Variants in NFKBIB observed in about 807,000 individuals in gnomAD.
NFKBIB encodes the protein NF-kappa-B inhibitor beta.
Under a neutral mutation model 32.1 loss-of-function variants are expected in NFKBIB, and 16 were observed. The observed-to-expected ratio is 0.50, with a 90% CI of 0.34 to 0.76. NFKBIB has a LOEUF of 0.76. Among genes scored for constraint, NFKBIB ranks in the 30% least tolerant of loss-of-function variants. NFKBIB has a pLI of 0.01. For synonymous variants in NFKBIB, 222 were observed against 219.5 expected (o/e 1.01, Z -0.10); for missense variants, 437 against 514.9 (o/e 0.85, Z 1.46).
Position 38,899,977 on chromosome 19 carries a change from G to C in NFKBIB, c.-56G>C, listed in dbSNP as rs754707835. 1.5e-5 allele frequency: 21 copies of C among 1,432,542 alleles called. No homozygotes were observed. Among genetic ancestry groups the C allele is most frequent in the Non-Finnish European group, 1.6e-5 (18 of 1,094,492 alleles). The allele number at this position is 1,432,542 out of a possible 1,614,324, so 88.7% of individuals were successfully genotyped here. On this transcript the variant is annotated 5_prime_UTR_variant, in exon 1 of 6. Transcript: ENST00000313582. ...GCAGGGCGGAAGCTCCAGAACTCCC[G>C]GCAAAGCCCAGCTACAGGCGGGCGA...
At chr19:38,908,268 C>T (rs1213545093) in intron 5 of NFKBIB, 32 of 991,596 alleles carry the variant, frequency 3.2e-5, no homozygotes, top group African/African-American at 2.3e-4. Flanking sequence ...TGGCCAGGTG[C>T]GGTGGCTCAC....
intron 5 of NFKBIB, chr19:38,908,298 T>G (rs776087738): frequency 1.0e-6 from 1 of 985,454 alleles, no homozygotes; most frequent in African/African-American, 1.7e-5. Context: ...CCCAGCACTT[T>G]GGGAGGCCGA....
chr19:38,906,812 G>T (rs1275900301), intron 3 of NFKBIB, among the ~76,000 whole-genome samples: 3 of 152,060 alleles, frequency 2.0e-5, no homozygotes, highest in African/African-American at 7.2e-5. Flanking sequence ...ATGTTGCCCA[G>T]GCAGCTTCTT....
chr19:38,907,693 G>C (rs780891154), intron 5 of NFKBIB, 34 bp downstream of exon 5: 12 of 1,565,818 alleles, frequency 7.7e-6, no homozygotes, highest in African/African-American at 1.4e-5. Context: ...CAGCCCAGCT[G>C]GGGGGTCAGG....
chr19:38,899,999 G>C lies in NFKBIB; in HGVS notation c.-34G>C, dbSNP rs778695272. 1.2e-5 allele frequency: 17 copies of C among 1,443,110 alleles called. No individual in the cohort carries two copies. The highest frequency in any genetic ancestry group is 1.0e-4 in the South Asian group (7 of 69,110). 89.4% of individuals were successfully genotyped at this position (1,443,110 alleles called of 1,614,324 possible). On this transcript the variant is annotated 5_prime_UTR_variant, in exon 1 of 6. Coordinates refer to ENST00000313582, the MANE Select transcript of NFKBIB (RefSeq NM_002503.5). ...CCCGGCAAAGCCCAGCTACAGGCGG[G>C]CGACTGCGGGGGGCCCCTGAGGCGG...
At position 38,900,014 on chromosome 19, in the gene NFKBIB, C is replaced by G; in HGVS notation, c.-19C>G. On this transcript the variant is annotated 5_prime_UTR_variant, in exon 1 of 6. Transcript: ENST00000313582. ...CTACAGGCGGGCGACTGCGGGGGGC[C>G]CCTGAGGCGGCGGGGGCCATGGCTG... 6.9e-7 allele frequency: 1 copy of G among 1,453,080 alleles called. No individual in the cohort carries two copies. The highest frequency in any genetic ancestry group is 1.8e-4 in the Middle Eastern group (1 of 5,468). 90.0% of individuals were successfully genotyped at this position (1,453,080 alleles called of 1,614,324 possible). A position where few individuals can be genotyped will look rare whatever the true frequency, so the allele number is the denominator to read the frequency against.
At chr19:38,899,838 G>A, upstream of NFKBIB, 5 of 708,776 alleles carry the variant, frequency 7.1e-6, no homozygotes, top group South Asian at 5.5e-5. Flanking sequence ...AACGGCTAGA[G>A]AGTTGTAGTC....
At chr19:38,908,401 T>G (rs1309610471) in intron 5 of NFKBIB, 2 of 759,898 alleles carry the variant, frequency 2.6e-6, no homozygotes, top group African/African-American at 3.7e-5. Context: ...TAGCTGGGCG[T>G]GGTGGCGCAT....
chr19:38,904,873 C>G, intron 1 of NFKBIB, 142 bp from the exon 2 acceptor site: 1 of 723,526 alleles, frequency 1.4e-6, no homozygotes, highest in Non-Finnish European at 2.4e-6. Context: ...GAAACTCTGA[C>G]CTCTGACCTC....
rs1162956107 is a variant in NFKBIB, at chr19:38,908,143, GA to G, written c.969+486del. 1.2e-5 allele frequency: 12 copies of G among 1,000,810 alleles called. No individual in the cohort carries two copies. In the African/African-American group the frequency reaches 2.1e-4, roughly 17 times the overall value. 62.0% of individuals were successfully genotyped at this position (1,000,810 alleles called of 1,614,324 possible). On this transcript the variant is annotated intron_variant, in intron 5 of 5. Coordinates refer to ENST00000313582, the MANE Select transcript of NFKBIB (RefSeq NM_002503.5). Reference sequence around the variant, plus strand: ...GCGGTGCTGGATGATGGGTGCGGAGGAATTTGGGTAAAGGCAGAGGGAAGGG... The same window carrying G: ...GCGGTGCTGGATGATGGGTGCGGAGGATTTGGGTAAAGGCAGAGGGAAGGG...
upstream of NFKBIB, chr19:38,899,691 T>C (rs1973871609): frequency 1.0e-6 from 1 of 965,456 alleles, no homozygotes; most frequent in Non-Finnish European, 1.6e-6. Context: ...TCAGCAGACA[T>C]TGCGGCCGCA....
chr19:38,907,613 C>T lies in NFKBIB; in HGVS notation c.923C>T (p.Ser308Phe). The change falls in exon 5 of 6, where the codon TCC (serine) becomes TTC (phenylalanine). Residue 308 changes from serine to phenylalanine, a missense_variant. By Grantham distance (155) the Ser-to-Phe change is radical. Coordinates refer to ENST00000313582, the MANE Select transcript of NFKBIB (RefSeq NM_002503.5). ...APEPEGEDEK[S>F]GPCSSSSDSD... ...GAGCCCGAGGGCGAGGACGAGAAATCCGGCCCCTGCAGCAGCAGTAGCGAC... is the reference window on the plus strand; with the variant it reads ...GAGCCCGAGGGCGAGGACGAGAAATTCGGCCCCTGCAGCAGCAGTAGCGAC... 1 of 1,611,330 alleles carries T rather than the reference C, an allele frequency of 6.2e-7. No homozygotes were observed. Among genetic ancestry groups the T allele is most frequent in the Admixed American group, 1.7e-5 (1 of 59,826 alleles).
chr19:38,908,005 A>G, intron 5 of NFKBIB: 1 of 1,137,536 alleles, frequency 8.8e-7, no homozygotes, highest in Non-Finnish European at 1.1e-6. Flanking sequence ...CGAAAAGAAA[A>G]CCTTGGGTGG....
intron 3 of NFKBIB, among the ~76,000 whole-genome samples, chr19:38,906,376 T>C (rs1438088819): frequency 6.6e-6 from 1 of 151,538 alleles, no homozygotes; most frequent in Admixed American, 6.6e-5. Context: ...ACTCCTGGCC[T>C]GGCCTTAGGT....
chr19:38,908,452 T>C lies in NFKBIB; in HGVS notation c.970-279T>C. ...TACTTGGGAGGCTGAGGTAGGAGAA[T>C]TGCTTGAACCTGGGAGGTGGAGGTT... On this transcript the variant is annotated intron_variant, in intron 5 of 5. Transcript: ENST00000313582. 4.2e-6 allele frequency: 4 copies of C among 945,448 alleles called. No homozygotes were observed. In the South Asian group the frequency reaches 1.3e-4, roughly 31 times the overall value. 58.6% of individuals were successfully genotyped at this position (945,448 alleles called of 1,614,324 possible).
intron 1 of NFKBIB, among the ~76,000 whole-genome samples, chr19:38,901,844 G>A (rs994480350): frequency 2.0e-5 from 3 of 152,060 alleles, no homozygotes; most frequent in Non-Finnish European, 4.4e-5. Context: ...GCCTCCCAAA[G>A]TGCTGGGTTA....
At chr19:38,904,084 AAAATAAATAAATAAAT>A (rs58249749) in intron 1 of NFKBIB, among the ~76,000 whole-genome samples, 21 of 151,210 alleles carry the variant, frequency 1.4e-4, no homozygotes, top group Admixed American at 3.3e-4. Flanking sequence ...AATAAAAATT[AAAATAAATAAATAAAT>A]AAATAAATAA....
At chr19:38,906,813 G>A (rs1974140031) in intron 3 of NFKBIB, among the ~76,000 whole-genome samples, 1 of 152,072 alleles carries the variant, frequency 6.6e-6, no homozygotes, top group Non-Finnish European at 1.5e-5. Context: ...TGTTGCCCAG[G>A]CAGCTTCTTG....
In NFKBIB at chr19:38,900,068, C is replaced by T. The variant is rs1973893809; in HGVS notation, c.36C>T (p.Asp12=). Residue 12 remains aspartate, a synonymous_variant, in exon 1 of 6, where the codon GAC becomes GAT. Transcript: ENST00000313582. ...TCGCGTGCTTGGGAAAAGCTGCCGACGCAGATGAATGGTGCGACAGCGGCC... is the reference window on the plus strand; with the variant it reads ...TCGCGTGCTTGGGAAAAGCTGCCGATGCAGATGAATGGTGCGACAGCGGCC... ...AGVACLGKAA[D]ADEWCDSGLG... is the part of the protein sequence containing the mutation. 1 of 1,512,976 alleles carries T rather than the reference C, an allele frequency of 6.6e-7. No individual in the cohort carries two copies. The highest frequency in any genetic ancestry group is 8.8e-7 in the Non-Finnish European group (1 of 1,132,682). 93.7% of individuals were successfully genotyped at this position (1,512,976 alleles called of 1,614,324 possible).
Sources: allele counts gnomAD v4.1 joint callset (sites outside exome capture counted in the v4.1 genomes callset), GRCh38; gene constraint gnomAD v4.1.1; transcripts MANE v1.5; gene names NCBI Gene and HGNC (gene_info 2026-07-23, HGNC 2026-07-21).